The following IMMP2L variants were observed in gnomAD, a reference collection of about 807,000 sequenced individuals.
The protein encoded by IMMP2L is inner mitochondrial membrane peptidase subunit 2.
IMMP2L carries 18 observed loss-of-function variants against 19.3 expected under a neutral mutation model. The ratio of observed to expected loss-of-function variants is 0.93; its 90% confidence interval spans 0.64 to 1.38. IMMP2L has a LOEUF of 1.38. Among genes scored for constraint, IMMP2L ranks in the 40% most tolerant of loss-of-function variants. The pLI, the probability that IMMP2L is intolerant of heterozygous loss-of-function variation, is 0.00. For synonymous variants in IMMP2L, 76 were observed against 73.0 expected, an observed-to-expected ratio of 1.04 and a Z score of -0.21; for missense variants, 233 against 218.2, an observed-to-expected ratio of 1.07 and a Z score of -0.43.
intron 3 of IMMP2L, among the ~76,000 whole-genome samples, chr7:111,128,522 G>C (rs1801534089): frequency 6.6e-6 from 1 of 152,120 alleles, no homozygotes. Flanking sequence ...TCTTTAGACT[G>C]GCTAAATTAA....
chr7:110,665,141 G>A (rs113209631), intron 5 of IMMP2L: 4 of 152,076 alleles, frequency 2.6e-5, no homozygotes, highest in Non-Finnish European at 4.4e-5. Flanking sequence ...CTCAATAAAG[G>A]GTTCTTTTTT....
chr7:111,256,514 G>C (rs1427672486), intron 3 of IMMP2L, among the ~76,000 whole-genome samples: 1 of 151,936 alleles, frequency 6.6e-6, no homozygotes, highest in Non-Finnish European at 1.5e-5. Context: ...ATTGAAGAAG[G>C]ATTAACACAG....
chr7:111,202,552 A>T (rs1222423450), intron 3 of IMMP2L, among the ~76,000 whole-genome samples: 1 of 152,182 alleles, frequency 6.6e-6, no homozygotes, highest in Non-Finnish European at 1.5e-5. Flanking sequence ...AAGTGCCTCC[A>T]CTTTGTTCTA....
chr7:111,432,652 G>T (rs1836749830), intron 3 of IMMP2L, among the ~76,000 whole-genome samples: 2 of 151,668 alleles, frequency 1.3e-5, no homozygotes, highest in South Asian at 4.2e-4. Flanking sequence ...CTGAGAACTG[G>T]AAAAGGACAA....
intron 3 of IMMP2L, among the ~76,000 whole-genome samples, chr7:111,376,478 C>T (rs113621751): frequency 7.9e-5 from 12 of 152,138 alleles, no homozygotes; most frequent in African/African-American, 1.2e-4. Context: ...CAGCAGCTTC[C>T]GAAAACAGTT....
At chr7:111,132,101 A>C (rs1331190064) in intron 3 of IMMP2L, among the ~76,000 whole-genome samples, 2 of 151,946 alleles carry the variant, frequency 1.3e-5, no homozygotes, top group Non-Finnish European at 2.9e-5. Context: ...AATGGGGATA[A>C]AGAGTCTTTA....
intron 3 of IMMP2L, among the ~76,000 whole-genome samples, chr7:111,142,153 T>A (rs1321422622): frequency 6.6e-6 from 1 of 151,750 alleles, no homozygotes. Context: ...TGGTGAAACC[T>A]CATCTCTACT....
chr7:111,378,954 C>A (rs1049320977), intron 3 of IMMP2L, among the ~76,000 whole-genome samples: 1 of 151,670 alleles, frequency 6.6e-6, no homozygotes, highest in Non-Finnish European at 1.5e-5. Context: ...CATAAGAATA[C>A]AAGATAATTT....
intron 4 of IMMP2L, among the ~76,000 whole-genome samples, chr7:110,949,957 T>G (rs571294624): frequency 6.6e-6 from 1 of 152,248 alleles, no homozygotes; most frequent in South Asian, 2.1e-4. Context: ...AAATAAAAAT[T>G]TTTAAATCCC....
chr7:111,151,868 G>A (rs1180683530), intron 3 of IMMP2L, among the ~76,000 whole-genome samples: 1 of 152,198 alleles, frequency 6.6e-6, no homozygotes, highest in Admixed American at 6.5e-5. Context: ...CCTGGGAGGC[G>A]GAGGTTGCAG....
At chr7:111,183,263 G>A (rs1006750776) in intron 3 of IMMP2L, among the ~76,000 whole-genome samples, 1 of 151,958 alleles carries the variant, frequency 6.6e-6, no homozygotes, top group Non-Finnish European at 1.5e-5. Context: ...ATGCTGAAAC[G>A]GAAGTAAACC....
At chr7:111,207,143 G>T (rs1810799729) in intron 3 of IMMP2L, among the ~76,000 whole-genome samples, 1 of 152,122 alleles carries the variant, frequency 6.6e-6, no homozygotes, top group African/African-American at 2.4e-5. Context: ...TACTGCCCTG[G>T]TTAGAAATGT....
chr7:110,954,508 C>T (rs1337162316), intron 4 of IMMP2L, among the ~76,000 whole-genome samples: 1 of 152,070 alleles, frequency 6.6e-6, no homozygotes, highest in Non-Finnish European at 1.5e-5. Context: ...CTATCTGATA[C>T]TTACTGAACA....
intron 3 of IMMP2L, among the ~76,000 whole-genome samples, chr7:111,086,950 T>C (rs994766815): frequency 6.6e-6 from 1 of 152,206 alleles, no homozygotes; most frequent in Non-Finnish European, 1.5e-5. Flanking sequence ...CTGACTATAT[T>C]GCATTGGTTG....
At chr7:111,489,436 A>G (rs1842919240) in intron 2 of IMMP2L, among the ~76,000 whole-genome samples, 1 of 152,104 alleles carries the variant, frequency 6.6e-6, no homozygotes, top group Non-Finnish European at 1.5e-5. Context: ...TTCTGTGGTG[A>G]CAGGAAAGGT....
chr7:110,716,417 T>C (rs1795239931), intron 5 of IMMP2L, among the ~76,000 whole-genome samples: 1 of 152,094 alleles, frequency 6.6e-6, no homozygotes, highest in African/African-American at 2.4e-5. Context: ...CGTAAGTGTG[T>C]TTTTGTGGTA....
intron 3 of IMMP2L, among the ~76,000 whole-genome samples, chr7:111,211,591 C>G (rs945127336): frequency 1.3e-5 from 2 of 152,102 alleles, no homozygotes; most frequent in Non-Finnish European, 2.9e-5. Context: ...ATGTAGTATA[C>G]TTGTAAAGCC....
At chr7:111,240,608 G>A (rs979156261) in intron 3 of IMMP2L, among the ~76,000 whole-genome samples, 1 of 151,918 alleles carries the variant, frequency 6.6e-6, no homozygotes, top group East Asian at 1.9e-4. Context: ...TGTACCATGT[G>A]TTGTATCTAC....
intron 3 of IMMP2L, among the ~76,000 whole-genome samples, chr7:111,450,298 T>A (rs1361651278): frequency 1.3e-5 from 2 of 151,474 alleles, no homozygotes; most frequent in Admixed American, 6.6e-5. Flanking sequence ...TCACACTACA[T>A]GACTTCAAAC....
Sources: allele counts gnomAD v4.1 joint callset (sites outside exome capture counted in the v4.1 genomes callset), GRCh38; gene constraint gnomAD v4.1.1; transcripts MANE v1.5; gene names NCBI Gene and HGNC (gene_info 2026-07-23, HGNC 2026-07-21).